The following RABGAP1L variants were observed in gnomAD, a reference collection of about 807,000 sequenced individuals.
RABGAP1L encodes rab GTPase-activating protein 1-like.
In RABGAP1L, 63 loss-of-function variants were observed where a neutral mutation model predicts 137.7. That is an observed-to-expected ratio of 0.46 (90% CI 0.37 to 0.56). RABGAP1L has a LOEUF of 0.56. Ranked by LOEUF, RABGAP1L falls within the 20% of genes least tolerant of loss-of-function variation. The pLI is 0.00. For missense variants in RABGAP1L, 1,095 were observed against 1,244.0 expected (o/e 0.88, Z 1.80); for synonymous variants, 431 against 433.7 (o/e 0.99, Z 0.08).
chr1:174,970,091 C>G (rs552622764), intron 21 of RABGAP1L, among the ~76,000 whole-genome samples: 6 of 152,270 alleles, frequency 3.9e-5, no homozygotes, highest in African/African-American at 1.4e-4. Flanking sequence ...GTAGAAAAAG[C>G]TGCCCAGAGA....
At chr1:174,692,333 G>A (rs912114992) in intron 15 of RABGAP1L, among the ~76,000 whole-genome samples, 2 of 152,182 alleles carry the variant, frequency 1.3e-5, no homozygotes, top group Non-Finnish European at 2.9e-5. Flanking sequence ...TTGGGATTCA[G>A]AGAAAGCAGG....
intron 13 of RABGAP1L, among the ~76,000 whole-genome samples, chr1:174,524,201 G>GTT (rs1415422805): frequency 9.5e-5 from 14 of 147,110 alleles, no homozygotes; most frequent in African/African-American, 3.2e-4. Flanking sequence ...TGTTGTTGTT[G>GTT]TTGTTGTTTT....
At chr1:174,709,632 C>T (rs1680323600) in intron 17 of RABGAP1L, among the ~76,000 whole-genome samples, 1 of 152,160 alleles carries the variant, frequency 6.6e-6, no homozygotes, top group African/African-American at 2.4e-5. Flanking sequence ...ATAGTATCAA[C>T]ATCAACAAAA....
chr1:174,741,128 A>C (rs897113554), intron 17 of RABGAP1L, among the ~76,000 whole-genome samples: 5 of 147,662 alleles, frequency 3.4e-5, no homozygotes, highest in African/African-American at 1.2e-4. Flanking sequence ...TGATCTTTTG[A>C]GGCCTTTGTA....
intron 9 of RABGAP1L, 80 bp downstream of exon 9, chr1:174,276,015 A>G (rs1674968584): frequency 8.5e-7 from 1 of 1,181,118 alleles, no homozygotes; most frequent in Non-Finnish European, 1.2e-6. Flanking sequence ...GTTTTAAAAA[A>G]AATTTGGAAC....
At chr1:174,210,243 C>A (rs1668786539) in intron 1 of RABGAP1L, among the ~76,000 whole-genome samples, 2 of 152,044 alleles carry the variant, frequency 1.3e-5, no homozygotes, top group South Asian at 4.1e-4. Context: ...CATGACCTTA[C>A]CAAAGGAACT....
chr1:174,603,361 A>G (rs1670553688), intron 13 of RABGAP1L, among the ~76,000 whole-genome samples: 1 of 152,140 alleles, frequency 6.6e-6, no homozygotes, highest in Non-Finnish European at 1.5e-5. Flanking sequence ...GGGTGACACA[A>G]GCACCTGGTG....
At position 174,678,530 on chromosome 1, in the gene RABGAP1L, TA is replaced by T. The variant is rs558690251; in HGVS notation, c.1825-4991del. Reference sequence around the variant, plus strand: ...ATAAAGGATAATAACTCTTGACCCATATATACAAGGTTGGTCCAGCATTTGA... The same window carrying T: ...ATAAAGGATAATAACTCTTGACCCATTATACAAGGTTGGTCCAGCATTTGA... On this transcript the variant is annotated intron_variant, in intron 14 of 25. Transcript: ENST00000681986. Among the ~76,000 whole-genome samples the T allele has an allele frequency of 3.3e-5, 5 of 152,150 alleles. No homozygotes were observed. The East Asian group carries it at 9.6e-4, about 29-fold the overall frequency.
intron 17 of RABGAP1L, among the ~76,000 whole-genome samples, chr1:174,711,886 G>A (rs369902695): frequency 6.6e-6 from 1 of 152,226 alleles, no homozygotes; most frequent in African/African-American, 2.4e-5. Context: ...TGGGAACTTG[G>A]AGAACTTTTA....
chr1:174,644,862 G>A (rs1451648914), intron 14 of RABGAP1L, among the ~76,000 whole-genome samples: 1 of 152,022 alleles, frequency 6.6e-6, no homozygotes, highest in Non-Finnish European at 1.5e-5. Context: ...TAGAAATAAT[G>A]TGAATCTGAA....
chr1:174,575,435 A>G (rs1312398974), intron 13 of RABGAP1L, among the ~76,000 whole-genome samples: 3 of 152,204 alleles, frequency 2.0e-5, no homozygotes, highest in Admixed American at 1.3e-4. Flanking sequence ...GAAGTAAGCC[A>G]GAAGGAACCT....
intron 1 of RABGAP1L, among the ~76,000 whole-genome samples, chr1:174,178,758 C>T (rs1205061973): frequency 2.0e-5 from 3 of 152,156 alleles, no homozygotes. Flanking sequence ...CGAATGTTCT[C>T]ACTCATAAGT....
At chr1:174,702,988 T>C (rs1232354132) in intron 17 of RABGAP1L, among the ~76,000 whole-genome samples, 1 of 152,190 alleles carries the variant, frequency 6.6e-6, no homozygotes, top group Non-Finnish European at 1.5e-5. Flanking sequence ...AGTATAAATG[T>C]ATATAAAATA....
At chr1:174,598,252 C>T (rs1200832225) in intron 13 of RABGAP1L, among the ~76,000 whole-genome samples, 7 of 149,772 alleles carry the variant, frequency 4.7e-5, no homozygotes, top group Non-Finnish European at 1.0e-4. Context: ...CCCTTGAACC[C>T]GGGAGGCGGA....
At chr1:174,624,323 C>T (rs1672779847) in intron 13 of RABGAP1L, among the ~76,000 whole-genome samples, 1 of 152,110 alleles carries the variant, frequency 6.6e-6, no homozygotes, top group Non-Finnish European at 1.5e-5. Context: ...GCTAACATTG[C>T]CCATATAGTT....
chr1:174,400,773 A>T (rs1382492284), intron 13 of RABGAP1L, among the ~76,000 whole-genome samples: 1 of 152,100 alleles, frequency 6.6e-6, no homozygotes, highest in Non-Finnish European at 1.5e-5. Flanking sequence ...GTAGTGGGTC[A>T]TGTAGATTGA....
intron 19 of RABGAP1L, among the ~76,000 whole-genome samples, chr1:174,877,837 A>G (rs989291866): frequency 6.6e-6 from 1 of 152,138 alleles, no homozygotes; most frequent in Non-Finnish European, 1.5e-5. Flanking sequence ...GCCAAATATC[A>G]CTTTGTCTTA....
chr1:174,308,402 A>G (rs774351216), intron 11 of RABGAP1L, among the ~76,000 whole-genome samples: 4 of 151,964 alleles, frequency 2.6e-5, no homozygotes, highest in Admixed American at 6.6e-5. Context: ...CCATTTATCT[A>G]TTTTTGCTTT....
intron 13 of RABGAP1L, among the ~76,000 whole-genome samples, chr1:174,477,744 T>C (rs1032806879): frequency 1.2e-4 from 18 of 152,174 alleles, no homozygotes; most frequent in African/African-American, 4.3e-4. Context: ...TATATTTATT[T>C]AAGAGGATAT....
Sources: gnomAD v4.1 joint callset for allele counts (sites outside exome capture counted in the v4.1 genomes callset) on GRCh38, gnomAD v4.1.1 for gene constraint, MANE v1.5 for transcripts, NCBI Gene and HGNC (gene_info 2026-07-23, HGNC 2026-07-21) for gene names.